CFAP69: variants seen among roughly 807,000 people sequenced by gnomAD.
CFAP69 encodes the protein cilia and flagella associated protein 69.
Under a neutral mutation model 123.0 loss-of-function variants are expected in CFAP69, and 92 were observed. That is an observed-to-expected ratio of 0.75 (90% confidence interval 0.63 to 0.89). The LOEUF is 0.89. Among genes scored for constraint, CFAP69 ranks in the 40% least tolerant of loss-of-function variants. The probability of loss-of-function intolerance (pLI) is 0.00; values close to 1 mark genes in which losing one functional copy is unlikely to be tolerated. For synonymous variants in CFAP69, 380 were observed against 364.3 expected (o/e 1.04, Z -0.49); for missense variants, 1,067 against 1,096.9 (o/e 0.97, Z 0.39).
At position 90,310,707 on chromosome 7, in the gene CFAP69, G is replaced by T. The variant is rs1271907026; in HGVS notation, c.*469G>T. The T allele has an allele frequency of 2.0e-5, 3 of 152,604 alleles. No homozygotes were observed. The highest frequency in any genetic ancestry group is 7.2e-5 in the African/African-American group (3 of 41,414). The allele number at this position is 152,604 out of a possible 1,614,324, so 9.5% of individuals were successfully genotyped here. On this transcript the variant is annotated 3_prime_UTR_variant, in exon 23 of 23. Transcript: ENST00000389297. Reference sequence around the variant, plus strand: ...TCATGCCTGTGTCTCTGTGGTTTCTGCAGCTGCCTATGCATCTCAGGACCC... The same window carrying T: ...TCATGCCTGTGTCTCTGTGGTTTCTTCAGCTGCCTATGCATCTCAGGACCC...
At chr7:90,305,459 C>CTTGG (rs1793444224) in intron 19 of CFAP69, among the ~76,000 whole-genome samples, 1 of 150,932 alleles carries the variant, frequency 6.6e-6, no homozygotes, top group South Asian at 2.1e-4. Context: ...ATGGCATGAT[C>CTTGG]TTGGCTCAAT....
In CFAP69 at chr7:90,288,310, T is replaced by C; in HGVS notation, c.1733T>C (p.Leu578Ser). 6.2e-7 allele frequency: 1 copy of C among 1,612,242 alleles called. No homozygotes were observed. The highest frequency in any genetic ancestry group is 8.5e-7 in the Non-Finnish European group (1 of 1,178,698). ...KTDPRKLQSG[L>S]GYNVLLFSTL... ...GACCCCAGGAAGTTACAGAGTGGCT[T>C]AGGCTATAATGTACTTCTTTTTAGT... The change falls in exon 15 of 23, where the codon TTA becomes TCA. Residue 578 changes from leucine to serine, a missense_variant. Physicochemically the swap from Leu to Ser is moderately radical, Grantham distance 145. Coordinates refer to ENST00000389297, the MANE Select transcript of CFAP69 (RefSeq NM_001039706.3).
chr7:90,294,542 G>A (rs1016105026), intron 15 of CFAP69, among the ~76,000 whole-genome samples: 3 of 151,920 alleles, frequency 2.0e-5, no homozygotes, highest in African/African-American at 4.8e-5. Context: ...CTGGACCGGG[G>A]CCGCCATTGT....
downstream of CFAP69, among the ~76,000 whole-genome samples, chr7:90,316,051 G>A (rs555975199): frequency 2.6e-5 from 4 of 152,126 alleles, no homozygotes; most frequent in African/African-American, 7.2e-5. Flanking sequence ...CCAAGATCAC[G>A]CCATTGCACT....
At position 90,286,309 on chromosome 7, in the gene CFAP69, TAATGAAAAGG is replaced by T; in HGVS notation, c.1569_1578del (p.Asn523LysfsTer35). ...TCTTTAAAAATATAATAAGCAAGCC[TAATGAAAAGG>T]AAGAAGCCATTGTTTTGGAAATCCA... On this transcript the variant is annotated frameshift_variant, in exon 14 of 23. Coordinates refer to ENST00000389297, the MANE Select transcript of CFAP69 (RefSeq NM_001039706.3). 6.2e-7 allele frequency: 1 copy of T among 1,605,126 alleles called. No homozygotes were observed. The highest frequency in any genetic ancestry group is 8.5e-7 in the Non-Finnish European group (1 of 1,173,628).
At chr7:90,276,861 A>G (rs1167884986) in intron 9 of CFAP69, among the ~76,000 whole-genome samples, 1 of 152,200 alleles carries the variant, frequency 6.6e-6, no homozygotes, top group Non-Finnish European at 1.5e-5. Flanking sequence ...TTAAAATTAA[A>G]TAAATCTGGC....
intron 15 of CFAP69, among the ~76,000 whole-genome samples, chr7:90,292,823 C>G (rs907942049): frequency 3.3e-5 from 5 of 152,172 alleles, no homozygotes; most frequent in Non-Finnish European, 5.9e-5. Context: ...CATTTCAGCT[C>G]TCTATGAGAG....
At chr7:90,306,834 T>G (rs566672944) in intron 19 of CFAP69, 67 bp from the exon 20 acceptor site, 1 of 948,502 alleles carries the variant, frequency 1.1e-6, no homozygotes, top group South Asian at 1.5e-5. Context: ...TATAAAAAAT[T>G]GTATAATTGT....
At chr7:90,246,796 T>C (rs1258013053) in intron 1 of CFAP69, among the ~76,000 whole-genome samples, 1 of 151,058 alleles carries the variant, frequency 6.6e-6, no homozygotes, top group Non-Finnish European at 1.5e-5. Flanking sequence ...GGCAACGTTA[T>C]ACAAGGCAAG....
Position 90,262,037 on chromosome 7 carries a change from GAT to G in CFAP69, c.340_341del (p.Ile114HisfsTer16). 1 of 1,588,716 alleles carries G rather than the reference GAT, an allele frequency of 6.3e-7. No individual in the cohort carries two copies. The highest frequency in any genetic ancestry group is 8.6e-7 in the Non-Finnish European group (1 of 1,168,414). On this transcript the variant is annotated frameshift_variant, in exon 4 of 23. Coordinates refer to ENST00000389297, the MANE Select transcript of CFAP69 (RefSeq NM_001039706.3). LOFTEE classifies it high-confidence loss of function. ...GCCTCGTTTTATAGAATCTGCATATGATATCATAAAACTGTGTGGGTAAGTTA... is the reference window on the plus strand; with the variant it reads ...GCCTCGTTTTATAGAATCTGCATATGATCATAAAACTGTGTGGGTAAGTTA... ...NQPRFIESAY[D>X]IIKLCGLPFL...
downstream of CFAP69, among the ~76,000 whole-genome samples, chr7:90,313,833 TA>T (rs1213855793): frequency 6.6e-6 from 1 of 152,156 alleles, no homozygotes; most frequent in Non-Finnish European, 1.5e-5. Context: ...AAGTATGGGT[TA>T]TGCTTAGTGA....
intron 15 of CFAP69, among the ~76,000 whole-genome samples, chr7:90,295,621 G>A (rs944574035): frequency 1.3e-5 from 2 of 152,160 alleles, no homozygotes; most frequent in Non-Finnish European, 2.9e-5. Context: ...ACAGGAAAGG[G>A]GTCCCAATCC....
At chr7:90,307,278 T>C (rs1363683696) in intron 20 of CFAP69, among the ~76,000 whole-genome samples, 180 bp downstream of exon 20, 1 of 152,156 alleles carries the variant, frequency 6.6e-6, no homozygotes, top group Non-Finnish European at 1.5e-5. Context: ...CACAAAGAAA[T>C]GATAAGTGTT....
In CFAP69 at chr7:90,292,711, GA is replaced by G. The variant is rs574444914; in HGVS notation, c.1775+4365del. Among the ~76,000 whole-genome samples the G allele has an allele frequency of 3.4e-4, 51 of 152,062 alleles. No homozygotes were observed. The South Asian group carries it at 0.01, about 31-fold the overall frequency. On this transcript the variant is annotated intron_variant, in intron 15 of 22. Coordinates refer to ENST00000389297, the MANE Select transcript of CFAP69 (RefSeq NM_001039706.3). ...AGATGAGTTGTCTTGACTCTGGGCGGAAAAAAGGATCAGCAACATTTTAAGC... is the reference window on the plus strand; with the variant it reads ...AGATGAGTTGTCTTGACTCTGGGCGGAAAAAGGATCAGCAACATTTTAAGC...
chr7:90,319,075 G>T, the CFAP69 span: 7 of 268,560 alleles, frequency 2.6e-5, no homozygotes, highest in Admixed American at 5.3e-5. Context: ...AGGGTTAAAT[G>T]GCTTTCTTAT....
chr7:90,288,160 G>A lies in CFAP69; in HGVS notation c.1657-74G>A, dbSNP rs192564995. The A allele has an allele frequency of 8.6e-4, 1,027 of 1,200,724 alleles. 1 individual carries two copies. Among genetic ancestry groups the A allele is most frequent in the Non-Finnish European group, 1.1e-3 (941 of 840,842 alleles). 74.4% of individuals were successfully genotyped at this position (1,200,724 alleles called of 1,614,324 possible). ...TCTCTGGTAAAAAAGCAATATTAGG[G>A]GACCGATAAAGTAGGAAAGGGAGGA... On this transcript the variant is annotated intron_variant, in intron 14 of 22. Coordinates refer to ENST00000389297, the MANE Select transcript of CFAP69 (RefSeq NM_001039706.3).
Position 90,300,000 on chromosome 7 carries a change from T to C in CFAP69, c.1991T>C (p.Leu664Ser). Residue 664 changes from leucine to serine, a missense_variant, in exon 17 of 23, where the codon TTG (leucine) becomes TCG (serine). Leu to Ser is a moderately radical substitution (Grantham distance 145). Coordinates refer to ENST00000389297, the MANE Select transcript of CFAP69 (RefSeq NM_001039706.3). ...DQTAASLLIK[L>S]WRKEEKELGV... ...ACAGCTGCTAGTCTTTTAATTAAAT[T>C]GTGGAGAAAGGAGGAAAAAGAACTA... The C allele has an allele frequency of 6.2e-7, 1 of 1,610,522 alleles. No homozygotes were observed. The highest frequency in any genetic ancestry group is 8.5e-7 in the Non-Finnish European group (1 of 1,178,636).
At chr7:90,266,146 A>G (rs1049828934) in intron 5 of CFAP69, 1 of 152,220 alleles carries the variant, frequency 6.6e-6, no homozygotes, top group Non-Finnish European at 1.5e-5. Flanking sequence ...TACTCCATAT[A>G]GAAAGATGTT....
rs192819527 is a variant in CFAP69 at position 90,309,401 on chromosome 7, G to T, written c.2655+34G>T. 5.9e-3 allele frequency: 7,285 copies of T among 1,237,522 alleles called. 30 individuals are homozygous for T. The highest frequency in any genetic ancestry group is 6.5e-3 in the Non-Finnish European group (5,728 of 876,978). 76.7% of individuals were successfully genotyped at this position (1,237,522 alleles called of 1,614,324 possible). On this transcript the variant is annotated intron_variant, in intron 22 of 22. Transcript: ENST00000389297. Reference sequence around the variant, plus strand: ...CTTTCTCCATAACATTTTCTTAATAGACATTAAATTTAGAGTGTTTGAACA... The same window carrying T: ...CTTTCTCCATAACATTTTCTTAATATACATTAAATTTAGAGTGTTTGAACA...
Sources: allele counts gnomAD v4.1 joint callset (sites outside exome capture counted in the v4.1 genomes callset), GRCh38; gene constraint gnomAD v4.1.1; transcripts MANE v1.5; gene names NCBI Gene and HGNC (gene_info 2026-07-23, HGNC 2026-07-21).